ALPK2: variants seen among roughly 807,000 people sequenced by gnomAD.
ALPK2 encodes alpha-protein kinase 2.
In ALPK2, 127 loss-of-function variants were observed where a neutral mutation model predicts 163.1. That is an observed-to-expected ratio of 0.78 (90% CI 0.67 to 0.90). The LOEUF (loss-of-function observed/expected upper bound fraction) is 0.90, where lower values mean the gene tolerates loss of function less well. Ranked by LOEUF, ALPK2 falls within the 40% of genes least tolerant of loss-of-function variation. The pLI, the probability that ALPK2 is intolerant of heterozygous loss-of-function variation, is 0.00. For missense variants in ALPK2, 2,360 were observed against 2,589.6 expected (o/e 0.91, Z 1.92); for synonymous variants, 953 against 959.1 (o/e 0.99, Z 0.12).
At chr18:58,580,599 C>T (rs779401189) in intron 3 of ALPK2, 51 bp from the exon 4 acceptor site, 2 of 1,443,796 alleles carry the variant, frequency 1.4e-6, no homozygotes, top group Admixed American at 3.6e-5. Flanking sequence ...GACATGCATG[C>T]CAACATTTTC....
chr18:58,485,754 G>T (rs948268237), intron 12 of ALPK2, among the ~76,000 whole-genome samples: 1 of 152,054 alleles, frequency 6.6e-6, no homozygotes, highest in South Asian at 2.1e-4. Context: ...GGCCTGCTCC[G>T]TCAGGATGGA....
chr18:58,551,228 C>T (rs2051758468), intron 4 of ALPK2, among the ~76,000 whole-genome samples: 1 of 152,158 alleles, frequency 6.6e-6, no homozygotes, highest in African/African-American at 2.4e-5. Context: ...AACACCACAG[C>T]TTTACTCCCT....
In ALPK2 at chr18:58,562,719, G is replaced by A. The variant is rs528215465; in HGVS notation, c.1962+16095C>T. Among the ~76,000 whole-genome samples the A allele has an allele frequency of 2.0e-5, 3 of 152,326 alleles. No homozygotes were observed. The South Asian group carries it at 6.2e-4, about 32-fold the overall frequency. ...CGTATATTGGGTGGCTTAAATAAGA[G>A]ACATTTATTTCTTCTAGTTATGGAA... is the stretch of plus-strand genomic sequence containing the variant. On this transcript the variant is annotated intron_variant, in intron 4 of 12. Transcript: ENST00000361673.
intron 4 of ALPK2, among the ~76,000 whole-genome samples, chr18:58,560,987 AT>A (rs1199515630): frequency 6.6e-6 from 1 of 151,998 alleles, no homozygotes; most frequent in Non-Finnish European, 1.5e-5. Flanking sequence ...TGTGATTGAG[AT>A]TTTTTTTATT....
chr18:58,626,217 A>G (rs966706999), intron 1 of ALPK2, among the ~76,000 whole-genome samples: 1 of 152,150 alleles, frequency 6.6e-6, no homozygotes, highest in Non-Finnish European at 1.5e-5. Flanking sequence ...TGTCTGATAA[A>G]GTTCTTGGGA....
intron 10 of ALPK2, among the ~76,000 whole-genome samples, chr18:58,511,325 A>C (rs1454998379): frequency 6.6e-6 from 1 of 152,202 alleles, no homozygotes; most frequent in African/African-American, 2.4e-5. Context: ...GATGTTCATA[A>C]GGGATATTGG....
intron 11 of ALPK2, among the ~76,000 whole-genome samples, 168 bp downstream of exon 11, chr18:58,503,762 CT>C (rs1269748378): frequency 6.6e-6 from 1 of 152,122 alleles, no homozygotes; most frequent in East Asian, 1.9e-4. Context: ...TTTCAGGCTC[CT>C]TTATCAAATC....
chr18:58,573,613 CTTTTTTTTT>C (rs778622176), intron 4 of ALPK2, among the ~76,000 whole-genome samples: 1 of 51,730 alleles, frequency 1.9e-5, no homozygotes, highest in Non-Finnish European at 3.2e-5. Flanking sequence ...TTTTTGTCTT[CTTTTTTTTT>C]TTTTTTTTTT....
At chr18:58,582,767 G>A (rs915585358) in intron 3 of ALPK2, among the ~76,000 whole-genome samples, 1 of 152,036 alleles carries the variant, frequency 6.6e-6, no homozygotes, top group Non-Finnish European at 1.5e-5. Context: ...CGTTGATTCA[G>A]CCCAGAAAGA....
At chr18:58,489,850 A>T (rs1861660228) in intron 12 of ALPK2, among the ~76,000 whole-genome samples, 1 of 152,034 alleles carries the variant, frequency 6.6e-6, no homozygotes. Flanking sequence ...TAATCCCAGC[A>T]CTTTGGGAGG....
At position 58,620,580 on chromosome 18, in the gene ALPK2, C is replaced by T. The variant is rs78804356; in HGVS notation, c.-21+8184G>A. Among the ~76,000 whole-genome samples, 1,299 of 152,176 alleles carry T rather than the reference C, an allele frequency of 8.5e-3. 19 individuals are homozygous for T. The highest frequency in any genetic ancestry group is 8.8e-3 in the Non-Finnish European group (596 of 68,002). On this transcript the variant is annotated intron_variant, in intron 1 of 12. Transcript: ENST00000361673. ...GGAGGTGATGGCAATCTTCTAAAACCAATCTATGGTGATGATTGCCCAACC... is the reference window on the plus strand; with the variant it reads ...GGAGGTGATGGCAATCTTCTAAAACTAATCTATGGTGATGATTGCCCAACC...
chr18:58,490,930 G>A (rs377140678), intron 12 of ALPK2, among the ~76,000 whole-genome samples: 1 of 152,172 alleles, frequency 6.6e-6, no homozygotes, highest in East Asian at 1.9e-4. Context: ...TGAATATGCA[G>A]GAAGCACACA....
intron 8 of ALPK2, among the ~76,000 whole-genome samples, chr18:58,520,572 A>G (rs1332373238): frequency 6.6e-6 from 1 of 152,098 alleles, no homozygotes; most frequent in African/African-American, 2.4e-5. Context: ...CCAAATCCTC[A>G]ACTCAGAGAA....
At chr18:58,587,761 A>G (rs1311512018) in intron 3 of ALPK2, among the ~76,000 whole-genome samples, 1 of 152,184 alleles carries the variant, frequency 6.6e-6, no homozygotes, top group Non-Finnish European at 1.5e-5. Flanking sequence ...ATACCAGCTT[A>G]CAATATATAT....
chr18:58,545,254 C>T (rs2051711799), intron 4 of ALPK2: 1 of 145,388 alleles, frequency 6.9e-6, no homozygotes, highest in African/African-American at 2.5e-5. Flanking sequence ...CACACACACA[C>T]TATTAGCTAG....
At chr18:58,530,413 A>T (rs1334299772) in intron 5 of ALPK2, among the ~76,000 whole-genome samples, 5 of 152,218 alleles carry the variant, frequency 3.3e-5, no homozygotes, top group African/African-American at 7.2e-5. Context: ...GCATCAGTGC[A>T]TTTGGGCCTG....
chr18:58,591,753 G>A (rs1291507343), intron 3 of ALPK2, among the ~76,000 whole-genome samples: 1 of 152,218 alleles, frequency 6.6e-6, no homozygotes, highest in Non-Finnish European at 1.5e-5. Flanking sequence ...TGGAACTTGG[G>A]GAAGTGGTAG....
intron 4 of ALPK2, among the ~76,000 whole-genome samples, chr18:58,554,674 C>T (rs533121209): frequency 2.0e-5 from 3 of 152,218 alleles, no homozygotes; most frequent in Non-Finnish European, 4.4e-5. Context: ...ACAGGCTTCT[C>T]TGCCCTCCCT....
intron 10 of ALPK2, among the ~76,000 whole-genome samples, chr18:58,509,925 T>C (rs2051481412): frequency 6.6e-6 from 1 of 152,166 alleles, no homozygotes; most frequent in African/African-American, 2.4e-5. Flanking sequence ...TTTGTTGCCA[T>C]TGCTTTTGGT....
Sources: gnomAD v4.1 joint callset for allele counts (sites outside exome capture counted in the v4.1 genomes callset) on GRCh38, gnomAD v4.1.1 for gene constraint, MANE v1.5 for transcripts, NCBI Gene and HGNC (gene_info 2026-07-23, HGNC 2026-07-21) for gene names.